Variants in CYB561D2 observed in about 807,000 individuals in gnomAD.
The protein encoded by CYB561D2 is transmembrane reductase CYB561D2.
CYB561D2 carries 16 observed loss-of-function variants against 20.2 expected under a neutral mutation model. The observed-to-expected ratio is 0.79, with a 90% CI of 0.53 to 1.20. CYB561D2 has a LOEUF of 1.20. Among genes scored for constraint, CYB561D2 ranks in the 50% most tolerant of loss-of-function variants. The probability of loss-of-function intolerance (pLI) is 0.00; values close to 1 mark genes in which losing one functional copy is unlikely to be tolerated. For missense variants in CYB561D2, 247 were observed against 270.3 expected (o/e 0.91, Z 0.60); for synonymous variants, 135 against 128.3 (o/e 1.05, Z -0.35).
rs1168781924 is a variant in CYB561D2, at chr3:50,353,860, G to A, written c.*116G>A. On this transcript the variant is annotated 3_prime_UTR_variant, in exon 4 of 4. Transcript: ENST00000425346. Reference sequence around the variant, plus strand: ...GACACCTCAGGCACTGGGACAGTTGGGCATTTGGAGGCCCGTGTGTGAATT... The same window carrying A: ...GACACCTCAGGCACTGGGACAGTTGAGCATTTGGAGGCCCGTGTGTGAATT... The A allele has an allele frequency of 6.6e-6, 8 of 1,214,592 alleles. No individual in the cohort carries two copies. The highest frequency in any genetic ancestry group is 2.4e-5 in the East Asian group (1 of 41,820). 75.2% of individuals were successfully genotyped at this position (1,214,592 alleles called of 1,614,324 possible).
At position 50,352,137 on chromosome 3, in the gene CYB561D2, A is replaced by G. The variant is rs1043272063; in HGVS notation, c.165+91A>G. 6.8e-6 allele frequency: 10 copies of G among 1,467,638 alleles called. No individual in the cohort carries two copies. In the Admixed American group the frequency reaches 1.7e-4, roughly 25 times the overall value. 90.9% of individuals were successfully genotyped at this position (1,467,638 alleles called of 1,614,324 possible). ...CTCTGAATCTTTGTCCACATTTAAT[A>G]TCTGTTTGGAAGAGTTGCATGCTCC... On this transcript the variant is annotated intron_variant, in intron 3 of 3. Coordinates refer to ENST00000425346, the MANE Select transcript of CYB561D2 (RefSeq NM_001291284.2).
In CYB561D2 at chr3:50,352,020, T is replaced by G. The variant is rs779776068; in HGVS notation, c.139T>G (p.Trp47Gly). ...LARPGSSLFSWHPVLMSLAFS... is the reference protein window; with the variant it reads ...LARPGSSLFSGHPVLMSLAFS... The stretch of plus-strand genomic sequence containing the variant: ...TCTTCTCATTCCAGGCCTGTTCTCC[T>G]GGCACCCGGTGCTTATGTCTTTGGC... The change falls in exon 3 of 4, where the codon TGG (tryptophan) becomes GGG (glycine). Residue 47 changes from tryptophan to glycine, a missense_variant. Physicochemically the swap from Trp to Gly is radical, Grantham distance 184. Transcript: ENST00000425346. 4.3e-6 allele frequency: 7 copies of G among 1,613,854 alleles called. No individual in the cohort carries two copies. Among genetic ancestry groups the G allele is most frequent in the Non-Finnish European group, 5.1e-6 (6 of 1,179,958 alleles).
rs754947735 is a variant in CYB561D2 at position 50,351,423 on chromosome 3, C to T, written c.-11C>T. 2.5e-6 allele frequency: 4 copies of T among 1,612,772 alleles called. No homozygotes were observed. The African/African-American group carries it at 5.3e-5, about 22-fold the overall frequency. The stretch of plus-strand genomic sequence containing the variant: ...TATGCTTTCAGGCTACAACCACTAG[C>T]ACGGCTGACGATGGCCCTTTCTGCG... On this transcript the variant is annotated 5_prime_UTR_variant, in exon 2 of 4. Transcript: ENST00000425346.
In CYB561D2 at chr3:50,353,976, G is replaced by A. The variant is rs1703828806; in HGVS notation, c.*232G>A. Reference sequence around the variant, plus strand: ...GGCATCATGTGTCTGGATGAAGCTGGGGCTGCAAGACTGCCTCTCCTGCAA... The same window carrying A: ...GGCATCATGTGTCTGGATGAAGCTGAGGCTGCAAGACTGCCTCTCCTGCAA... On this transcript the variant is annotated 3_prime_UTR_variant, in exon 4 of 4. Transcript: ENST00000425346. 14 of 536,384 alleles carry A rather than the reference G, an allele frequency of 2.6e-5. No homozygotes were observed. In the South Asian group the frequency reaches 4.0e-4, roughly 15 times the overall value. 33.2% of individuals were successfully genotyped at this position (536,384 alleles called of 1,614,324 possible). A position where few individuals can be genotyped will look rare whatever the true frequency, so the allele number is the denominator to read the frequency against.
At position 50,353,918 on chromosome 3, in the gene CYB561D2, C is replaced by G. The variant is rs1292868687; in HGVS notation, c.*174C>G. On this transcript the variant is annotated 3_prime_UTR_variant, in exon 4 of 4. Transcript: ENST00000425346. Reference sequence around the variant, plus strand: ...CTCATGCTGGAGTGCCTCCCATTTCCTTCCCCTTTCTCTGTCATCCCAGAG... The same window carrying G: ...CTCATGCTGGAGTGCCTCCCATTTCGTTCCCCTTTCTCTGTCATCCCAGAG... 11 of 693,998 alleles carry G rather than the reference C, an allele frequency of 1.6e-5. No homozygotes were observed. Among genetic ancestry groups the G allele is most frequent in the Non-Finnish European group, 2.3e-5 (10 of 427,482 alleles). The allele number at this position is 693,998 out of a possible 1,614,324, so 43.0% of individuals were successfully genotyped here. A position where few individuals can be genotyped will look rare whatever the true frequency, so the allele number is the denominator to read the frequency against.
chr3:50,353,006 G>A (rs1440732195), intron 3 of CYB561D2, among the ~76,000 whole-genome samples: 1 of 152,324 alleles, frequency 6.6e-6, no homozygotes, highest in African/African-American at 2.4e-5. Flanking sequence ...ACATACGACA[G>A]ATGACATTTC....
rs193294004 is a variant in CYB561D2, at chr3:50,353,874, C to A, written c.*130C>A. 1 of 1,099,386 alleles carries A rather than the reference C, an allele frequency of 9.1e-7. No homozygotes were observed. The highest frequency in any genetic ancestry group is 1.3e-6 in the Non-Finnish European group (1 of 779,468). 68.1% of individuals were successfully genotyped at this position (1,099,386 alleles called of 1,614,324 possible). On this transcript the variant is annotated 3_prime_UTR_variant, in exon 4 of 4. Coordinates refer to ENST00000425346, the MANE Select transcript of CYB561D2 (RefSeq NM_001291284.2). ...TGGGACAGTTGGGCATTTGGAGGCC[C>A]GTGTGTGAATTCCTGCTCCTCATGC...
In CYB561D2 at chr3:50,353,488, G is replaced by A; in HGVS notation, c.413G>A (p.Gly138Glu). 1 of 1,613,444 alleles carries A rather than the reference G, an allele frequency of 6.2e-7. No individual in the cohort carries two copies. Among genetic ancestry groups the A allele is most frequent in the Non-Finnish European group, 8.5e-7 (1 of 1,180,022 alleles). Residue 138 changes from glycine to glutamate, a missense_variant, in exon 4 of 4, where the codon GGG becomes GAG. Physicochemically the swap from Gly to Glu is moderately conservative, Grantham distance 98 (BLOSUM62 -2). Coordinates refer to ENST00000425346, the MANE Select transcript of CYB561D2 (RefSeq NM_001291284.2). ...TGGGCAGGGCTGCAGTGCTCAGGTG[G>A]GGTGGGGCTGCTCTACCCCAAGCTG... ...VLWAGLQCSG[G>E]VGLLYPKLLP...
At chr3:50,351,376 C>T in intron 1 of CYB561D2, 33 bp from the exon 2 acceptor site, 4 of 1,588,922 alleles carry the variant, frequency 2.5e-6, no homozygotes, top group Middle Eastern at 1.7e-4. Flanking sequence ...CAGTGGGCAC[C>T]TGAGATCCTG....
intron 3 of CYB561D2, 39 bp downstream of exon 3, chr3:50,352,085 A>C: frequency 1.2e-6 from 2 of 1,611,838 alleles, no homozygotes; most frequent in South Asian, 1.1e-5. Flanking sequence ...GGGTGGGAGC[A>C]TGGGCATGGT....
At position 50,353,647 on chromosome 3, in the gene CYB561D2, C is replaced by T; in HGVS notation, c.572C>T (p.Ala191Val). The T allele has an allele frequency of 1.9e-6, 3 of 1,613,618 alleles. 1 individual carries two copies. Among genetic ancestry groups the T allele is most frequent in the South Asian group, 2.2e-5 (2 of 91,084 alleles). Residue 191 changes from alanine to valine, a missense_variant, in exon 4 of 4, where the codon GCC (alanine) becomes GTC (valine). Transcript: ENST00000425346. ...TTCACTGCCTCTGTCACTGGTGCAG[C>T]CTGGTACCTGGCTGTATTATGCCCT... is the stretch of plus-strand genomic sequence containing the variant. The part of the protein sequence containing the change: ...LWFTASVTGA[A>V]WYLAVLCPVL...
chr3:50,351,369 T>G, intron 1 of CYB561D2, 40 bp from the exon 2 acceptor site: 2 of 1,582,390 alleles, frequency 1.3e-6, no homozygotes, highest in Middle Eastern at 1.7e-4. Flanking sequence ...GAGTGAACAG[T>G]GGGCACCTGA....
chr3:50,352,161 C>A, intron 3 of CYB561D2, 115 bp downstream of exon 3: 1 of 1,213,804 alleles, frequency 8.2e-7, no homozygotes, highest in Non-Finnish European at 1.2e-6. Flanking sequence ...GTTGCATGCT[C>A]CAACTACTCC....
intron 1 of CYB561D2, 68 bp from the exon 2 acceptor site, chr3:50,351,341 A>G: frequency 1.5e-5 from 23 of 1,515,544 alleles, no homozygotes; most frequent in Non-Finnish European, 2.1e-5. Context: ...CCTGCCTTGC[A>G]GCCTTTTCTC....
In CYB561D2 at chr3:50,352,517, AC is replaced by A. The variant is rs200984787; in HGVS notation, c.165+477del. On this transcript the variant is annotated intron_variant, in intron 3 of 3. Transcript: ENST00000425346. ...AAAAAAAAAACCCAAAAACAAAAAA[AC>A]CCCCCAAAAAACCAAAAATTAGCTG... Among the ~76,000 whole-genome samples, 727 of 148,202 alleles carry A rather than the reference AC, an allele frequency of 4.9e-3. 8 individuals carry two copies. The highest frequency in any genetic ancestry group is 0.017 in the African/African-American group (678 of 40,018).
At chr3:50,353,090 T>C (rs978800237) in intron 3 of CYB561D2, 151 bp from the exon 4 acceptor site, 7 of 1,167,652 alleles carry the variant, frequency 6.0e-6, no homozygotes, top group Non-Finnish European at 8.3e-6. Context: ...TTTCCACTCT[T>C]GCCCCACCAA....
At chr3:50,352,486 C>CAA (rs61695988) in intron 3 of CYB561D2, among the ~76,000 whole-genome samples, 11 of 80,138 alleles carry the variant, frequency 1.4e-4, no homozygotes, top group Admixed American at 2.8e-4. Flanking sequence ...GGCTCTGTCC[C>CAA]AAAAAAAAAA....
Position 50,353,537 on chromosome 3 carries a change from G to T in CYB561D2, c.462G>T (p.Lys154Asn), listed in dbSNP as rs1209524321. The T allele has an allele frequency of 1.2e-6, 2 of 1,613,734 alleles. No individual in the cohort carries two copies. Among genetic ancestry groups the T allele is most frequent in the East Asian group, 4.5e-5 (2 of 44,890 alleles). Residue 154 changes from lysine (K) to asparagine (N), a missense_variant, in exon 4 of 4, where the codon AAG becomes AAT. Lys to Asn is a moderately conservative substitution (Grantham distance 94). Coordinates refer to ENST00000425346, the MANE Select transcript of CYB561D2 (RefSeq NM_001291284.2). ...TGCTGCCCCGATGGCCCCTGGCGAA[G>T]CTCAAGCTATACCATGCTACTTCTG... The part of the protein sequence containing the change: ...PKLLPRWPLA[K>N]LKLYHATSGL...
At position 50,353,687 on chromosome 3, in the gene CYB561D2, G is replaced by A. The variant is rs778997198; in HGVS notation, c.612G>A (p.Leu204=). ...TATTATGCCCTGTCCTCACCAGCTT[G>A]GTCATTATGAACCAGGTGAGCAATG... ...LAVLCPVLTS[L]VIMNQVSNAY... is the part of the protein sequence containing the mutation. The change falls in exon 4 of 4, where the codon TTG becomes TTA. Residue 204 remains leucine, a synonymous_variant. Coordinates refer to ENST00000425346, the MANE Select transcript of CYB561D2 (RefSeq NM_001291284.2). 6.2e-7 allele frequency: 1 copy of A among 1,613,126 alleles called. No individual in the cohort carries two copies. Among genetic ancestry groups the A allele is most frequent in the Non-Finnish European group, 8.5e-7 (1 of 1,179,984 alleles).
Sources: allele counts gnomAD v4.1 joint callset (sites outside exome capture counted in the v4.1 genomes callset), GRCh38; gene constraint gnomAD v4.1.1; transcripts MANE v1.5; gene names NCBI Gene and HGNC (gene_info 2026-07-23, HGNC 2026-07-21).